The following KCNQ1 variants were observed in gnomAD, a reference collection of about 807,000 sequenced individuals.
KCNQ1 encodes potassium voltage-gated channel subfamily KQT member 1.
A neutral mutation model predicts 72.4 loss-of-function variants in KCNQ1; 49 were observed. That is an observed-to-expected ratio of 0.68 (90% CI 0.54 to 0.86). KCNQ1 has a LOEUF of 0.86. Ranked by LOEUF, KCNQ1 falls within the 40% of genes least tolerant of loss-of-function variation. The pLI, the probability that KCNQ1 is intolerant of heterozygous loss-of-function variation, is 0.00. For missense variants in KCNQ1, 790 were observed against 945.1 expected, an observed-to-expected ratio of 0.84 and a Z score of 2.15; for synonymous variants, 450 against 412.6, an observed-to-expected ratio of 1.09 and a Z score of -1.10.
intron 11 of KCNQ1, among the ~76,000 whole-genome samples, chr11:2,757,991 G>A (rs1245657757): frequency 6.6e-6 from 1 of 152,200 alleles, no homozygotes; most frequent in African/African-American, 2.4e-5. Flanking sequence ...ATAGTATTTA[G>A]GATTTAGGAA....
intron 1 of KCNQ1, among the ~76,000 whole-genome samples, chr11:2,496,520 TG>T (rs1342328261): frequency 3.2e-5 from 4 of 126,818 alleles, no homozygotes; most frequent in South Asian, 2.6e-4. Context: ...TTTTTTTTTT[TG>T]CTTTCCATTG....
intron 15 of KCNQ1, among the ~76,000 whole-genome samples, chr11:2,791,701 G>T (rs894986183): frequency 3.3e-5 from 5 of 152,042 alleles, no homozygotes; most frequent in African/African-American, 1.2e-4. Context: ...AGCTGCGGGT[G>T]GGGGTGGGGG....
At position 2,538,782 on chromosome 11, in the gene KCNQ1, T is replaced by C. The variant is rs1054951265; in HGVS notation, c.477+10764T>C. Among the ~76,000 whole-genome samples, 3 of 148,462 alleles carry C rather than the reference T, an allele frequency of 2.0e-5. No homozygotes were observed. In the Admixed American group the frequency reaches 2.0e-4, roughly 10 times the overall value. On this transcript the variant is annotated intron_variant, in intron 2 of 15. Coordinates refer to ENST00000155840, the MANE Select transcript of KCNQ1 (RefSeq NM_000218.3). The surrounding 1 kb of genome is among the most constrained non-coding windows in gnomAD (Gnocchi z 6.7). ...TATCTTCTGCAGGCCAGAATTGTCA[T>C]ATATATCAAGTTTGTTCAGAACAAG... is the stretch of plus-strand genomic sequence containing the variant.
intron 2 of KCNQ1, among the ~76,000 whole-genome samples, chr11:2,551,186 C>T (rs957740658): frequency 1.3e-5 from 2 of 152,172 alleles, no homozygotes; most frequent in Non-Finnish European, 1.5e-5. Flanking sequence ...TCCTGGCAAA[C>T]ATTTATGGTC....
At chr11:2,836,749 C>A (rs1168541506) in intron 15 of KCNQ1, among the ~76,000 whole-genome samples, 1 of 152,246 alleles carries the variant, frequency 6.6e-6, no homozygotes, top group Non-Finnish European at 1.5e-5. Flanking sequence ...CTCACTCGTG[C>A]TAAACCTCGC....
chr11:2,594,099 C>T (rs193062809), intron 10 of KCNQ1, among the ~76,000 whole-genome samples: 1 of 152,274 alleles, frequency 6.6e-6, no homozygotes, highest in East Asian at 1.9e-4. Context: ...ATTTAATTTC[C>T]TTTTTCCTGA....
Position 2,621,046 on chromosome 11 carries a change from C to T in KCNQ1, c.1393+32192C>T, listed in dbSNP as rs577952361. The T allele has an allele frequency of 1.6e-3, 653 of 396,398 alleles. 2 individuals are homozygous for T. The highest frequency in any genetic ancestry group is 5.7e-3 in the African/African-American group (274 of 48,492). 24.6% of individuals were successfully genotyped at this position (396,398 alleles called of 1,614,324 possible). A position where few individuals can be genotyped will look rare whatever the true frequency, so the allele number is the denominator to read the frequency against. ...AGGCTGGAGTGCAGTGGCGCAATCT[C>T]GGCTCACTGCAACCTCCACCTCCTG... On this transcript the variant is annotated intron_variant, in intron 10 of 15. Coordinates refer to ENST00000155840, the MANE Select transcript of KCNQ1 (RefSeq NM_000218.3). This position sits in a 1 kb window ranked among gnomAD's most constrained non-coding sequence, Gnocchi z 5.7.
In KCNQ1 at chr11:2,592,634, C is replaced by G. The variant is rs893044879; in HGVS notation, c.1393+3780C>G. On this transcript the variant is annotated intron_variant, in intron 10 of 15. Transcript: ENST00000155840. This position sits in a 1 kb window ranked among gnomAD's most constrained non-coding sequence, Gnocchi z 5.2. ...CTCCTCATGAAGGATGCATGGGGAC[C>G]CAACCGCATGCCACTTGGCTTGGCA... Among the ~76,000 whole-genome samples the G allele has an allele frequency of 1.3e-5, 2 of 152,190 alleles. No homozygotes were observed. Among genetic ancestry groups the G allele is most frequent in the African/African-American group, 4.8e-5 (2 of 41,456 alleles).
intron 11 of KCNQ1, among the ~76,000 whole-genome samples, chr11:2,722,175 GC>G (rs1220366120): frequency 6.6e-6 from 1 of 152,160 alleles, no homozygotes; most frequent in Non-Finnish European, 1.5e-5. Flanking sequence ...GTGAGTCAGG[GC>G]TGGGGAGCCA....
At chr11:2,845,509 C>T (rs1307999102) in intron 15 of KCNQ1, among the ~76,000 whole-genome samples, 2 of 152,216 alleles carry the variant, frequency 1.3e-5, no homozygotes, top group Non-Finnish European at 2.9e-5. Context: ...CCTGCCCCTG[C>T]CAAACCACAG....
chr11:2,742,887 C>T (rs1846080386), intron 11 of KCNQ1, among the ~76,000 whole-genome samples: 2 of 152,220 alleles, frequency 1.3e-5, no homozygotes, highest in Admixed American at 6.5e-5. Context: ...TCCGAGCCCC[C>T]ACACCTGTGG....
Position 2,544,293 on chromosome 11 carries a change from T to TATATATGTATATATATGTGTATATATAC in KCNQ1, c.477+16275_477+16276insATATATGTATATATATGTGTATATATAC, listed in dbSNP as rs796223106. Among the ~76,000 whole-genome samples the TATATATGTATATATATGTGTATATATAC allele has an allele frequency of 7.3e-6, 1 of 136,540 alleles. No individual in the cohort carries two copies. The highest frequency in any genetic ancestry group is 3.2e-5 in the African/African-American group (1 of 31,662). The allele number at this position is 136,540 out of a possible 152,430, so 89.6% of individuals were successfully genotyped here. Reference sequence around the variant, plus strand: ...GTGTATATATATGTGTATATATATATGTATATATGTGTATATATGTATATA... The same window carrying TATATATGTATATATATGTGTATATATAC: ...GTGTATATATATGTGTATATATATATATATATGTATATATATGTGTATATATACGTATATATGTGTATATATGTATATA... On this transcript the variant is annotated intron_variant, in intron 2 of 15. Transcript: ENST00000155840. This position sits in a 1 kb window ranked among gnomAD's most constrained non-coding sequence, Gnocchi z 4.4.
In KCNQ1 at chr11:2,617,330, C is replaced by T; in HGVS notation, c.1393+28476C>T. ...TACATATAGGTGAGATTATTTAAAA[C>T]TTTTCATTTGTATATGGCTTATTTA... On this transcript the variant is annotated intron_variant, in intron 10 of 15. Transcript: ENST00000155840. The surrounding 1 kb of genome is among the most constrained non-coding windows in gnomAD (Gnocchi z 4.6). The T allele has an allele frequency of 5.0e-6, 2 of 398,310 alleles. No homozygotes were observed. Among genetic ancestry groups the T allele is most frequent in the Non-Finnish European group, 8.9e-6 (2 of 225,892 alleles). 24.7% of individuals were successfully genotyped at this position (398,310 alleles called of 1,614,324 possible).
rs1846169757 is a variant in KCNQ1 at position 2,748,253 on chromosome 11, C to T, written c.1515-20591C>T. Among the ~76,000 whole-genome samples, 1 of 152,140 alleles carries T rather than the reference C, an allele frequency of 6.6e-6. No individual in the cohort carries two copies. Among genetic ancestry groups the T allele is most frequent in the African/African-American group, 2.4e-5 (1 of 41,440 alleles). ...TCGGGCGAGGGAGAAGCAAGTTCCCCTCAGGAATGCTGGTGAAGCTGGCAT... is the reference window on the plus strand; with the variant it reads ...TCGGGCGAGGGAGAAGCAAGTTCCCTTCAGGAATGCTGGTGAAGCTGGCAT... On this transcript the variant is annotated intron_variant, in intron 11 of 15. Transcript: ENST00000155840. The surrounding 1 kb of genome is among the most constrained non-coding windows in gnomAD (Gnocchi z 6.2).
At chr11:2,633,683 T>G (rs971605898) in intron 10 of KCNQ1, 5 of 398,436 alleles carry the variant, frequency 1.3e-5, no homozygotes, top group African/African-American at 1.0e-4. Flanking sequence ...GTAAATAAAT[T>G]TATTTACTTC....
At chr11:2,714,955 G>A (rs536528953) in intron 11 of KCNQ1, among the ~76,000 whole-genome samples, 2 of 152,030 alleles carry the variant, frequency 1.3e-5, no homozygotes, top group African/African-American at 2.4e-5. Flanking sequence ...ACAAAGCCAG[G>A]GGGGAGCCTG....
intron 11 of KCNQ1, among the ~76,000 whole-genome samples, chr11:2,738,615 G>A (rs1208961193): frequency 6.6e-6 from 1 of 152,168 alleles, no homozygotes; most frequent in African/African-American, 2.4e-5. Flanking sequence ...CTGGGCCCCC[G>A]AGTCACCAGG....
chr11:2,461,492 G>T (rs1252148423), intron 1 of KCNQ1: 1 of 1,302,264 alleles, frequency 7.7e-7, no homozygotes, highest in African/African-American at 1.5e-5. Flanking sequence ...GGCCCGGGAA[G>T]GCACTGTCTT....
chr11:2,749,055 T>C (rs896469578), intron 11 of KCNQ1, among the ~76,000 whole-genome samples: 2 of 152,140 alleles, frequency 1.3e-5, no homozygotes, highest in Admixed American at 1.3e-4. Context: ...ACTGATAGCA[T>C]AAAAAGTAAC....
Sources: gnomAD v4.1 joint callset for allele counts (sites outside exome capture counted in the v4.1 genomes callset) on GRCh38, gnomAD v4.1.1 for gene constraint, Gnocchi (gnomAD v3.1) non-coding constraint, MANE v1.5 for transcripts, NCBI Gene and HGNC (gene_info 2026-07-23, HGNC 2026-07-21) for gene names.